The following HLCS variants were observed in gnomAD, a reference collection of about 807,000 sequenced individuals.
HLCS encodes biotin--protein ligase.
In HLCS, 53 loss-of-function variants were observed where a neutral mutation model predicts 75.0. The ratio of observed to expected loss-of-function variants is 0.71; its 90% confidence interval spans 0.57 to 0.89. The LOEUF (loss-of-function observed/expected upper bound fraction) is 0.89. Ranked by LOEUF, HLCS falls within the 40% of genes least tolerant of loss-of-function variation. HLCS has a pLI of 0.00. For missense variants in HLCS, 966 were observed against 1,074.0 expected, an observed-to-expected ratio of 0.90 and a Z score of 1.41; for synonymous variants, 431 against 428.6, an observed-to-expected ratio of 1.01 and a Z score of -0.07.
intron 6 of HLCS, chr21:36,804,381 A>G (rs2236435): frequency 0.51 from 77,288 of 152,128 alleles, 21,659 homozygotes; most frequent in African/African-American, 0.75. Flanking sequence ...AGTAACTCGA[A>G]TTACTCATAG....
At chr21:36,846,864 C>T (rs2062815850) in intron 6 of HLCS, among the ~76,000 whole-genome samples, 1 of 152,120 alleles carries the variant, frequency 6.6e-6, no homozygotes. Flanking sequence ...CAACAAACCC[C>T]GTCTTGGCTC....
intron 6 of HLCS, among the ~76,000 whole-genome samples, chr21:36,866,829 G>T (rs1212410778): frequency 6.7e-6 from 1 of 150,056 alleles, no homozygotes; most frequent in African/African-American, 2.5e-5. Flanking sequence ...ACCAAGCCAA[G>T]AATTTGAGTA....
At chr21:36,832,701 A>C (rs926191563) in intron 6 of HLCS, among the ~76,000 whole-genome samples, 2 of 148,778 alleles carry the variant, frequency 1.3e-5, no homozygotes, top group African/African-American at 2.6e-5. Flanking sequence ...CCATTCCCTA[A>C]CTCTTTGTTC....
At chr21:36,894,215 C>T (rs1034350100) in intron 6 of HLCS, among the ~76,000 whole-genome samples, 5 of 152,152 alleles carry the variant, frequency 3.3e-5, no homozygotes, top group Admixed American at 2.0e-4. Context: ...AAGTTTCCTG[C>T]GGCCTCCCCA....
intron 6 of HLCS, among the ~76,000 whole-genome samples, chr21:36,808,239 C>A (rs1428882072): frequency 6.6e-6 from 1 of 152,120 alleles, no homozygotes; most frequent in African/African-American, 2.4e-5. Flanking sequence ...ACATTGGGAG[C>A]ATTTTCCCAT....
chr21:36,970,080 A>G (rs71332559), upstream of HLCS, among the ~76,000 whole-genome samples: 1,462 of 152,262 alleles, frequency 9.6e-3, 8 homozygotes, highest in South Asian at 0.016. Flanking sequence ...GGGACAAGAG[A>G]GAGTAGAGTG....
intron 6 of HLCS, among the ~76,000 whole-genome samples, chr21:36,770,663 A>G (rs1292650895): frequency 1.3e-5 from 2 of 151,218 alleles, no homozygotes; most frequent in African/African-American, 4.9e-5. Context: ...CTGGACCTCC[A>G]GGGCTCAAGG....
chr21:36,792,922 T>C (rs998784747), intron 6 of HLCS, among the ~76,000 whole-genome samples: 11 of 152,134 alleles, frequency 7.2e-5, no homozygotes, highest in African/African-American at 2.4e-4. Flanking sequence ...GATCTCAAAA[T>C]GCTGTCTAGA....
intron 1 of HLCS, among the ~76,000 whole-genome samples, chr21:36,963,482 C>T (rs1385443495): frequency 6.6e-6 from 1 of 152,188 alleles, no homozygotes; most frequent in Non-Finnish European, 1.5e-5. Flanking sequence ...TCCACTTAGG[C>T]CGGGCGCGGT....
At chr21:36,921,168 C>T (rs912927194) in intron 5 of HLCS, among the ~76,000 whole-genome samples, 12 of 152,278 alleles carry the variant, frequency 7.9e-5, no homozygotes, top group South Asian at 4.2e-4. Context: ...CACTTTCAGC[C>T]GGGCACAGTG....
At chr21:36,888,494 A>T (rs8127553) in intron 6 of HLCS, among the ~76,000 whole-genome samples, 58,261 of 92,518 alleles carry the variant, frequency 0.63, 19,571 homozygotes, top group Admixed American at 0.73. Context: ...ATATATATAT[A>T]TATTTATTTA....
intron 6 of HLCS, among the ~76,000 whole-genome samples, chr21:36,838,471 C>G (rs1379607227): frequency 6.6e-6 from 1 of 152,018 alleles, no homozygotes; most frequent in Admixed American, 6.6e-5. Context: ...TTTGGGAGGC[C>G]GAGGCGGGCA....
At position 36,749,372 on chromosome 21, in the gene HLCS, G is replaced by GT. The variant is rs2089294757; in HGVS notation, c.*4873dup. On this transcript the variant is annotated 3_prime_UTR_variant, in exon 11 of 11. Coordinates refer to ENST00000674895, the MANE Select transcript of HLCS (RefSeq NM_001352514.2). ...TTTCCACCTTTCTGAATGGAAAGAGGTTTTCACAAATGTTTTAAACTCATC... is the reference window on the plus strand; with the variant it reads ...TTTCCACCTTTCTGAATGGAAAGAGGTTTTTCACAAATGTTTTAAACTCATC... 1 of 151,656 alleles carries GT rather than the reference G, an allele frequency of 6.6e-6. No individual in the cohort carries two copies. Among genetic ancestry groups the GT allele is most frequent in the African/African-American group, 2.4e-5 (1 of 41,200 alleles). The allele number at this position is 151,656 out of a possible 1,614,324, so 9.4% of individuals were successfully genotyped here.
chr21:36,902,523 A>G (rs1163341904), intron 5 of HLCS, among the ~76,000 whole-genome samples: 1 of 152,198 alleles, frequency 6.6e-6, no homozygotes, highest in African/African-American at 2.4e-5. Flanking sequence ...CTGGTAACTG[A>G]AATTCGCTGC....
chr21:36,867,832 T>C (rs936298999), intron 6 of HLCS, among the ~76,000 whole-genome samples: 5 of 152,132 alleles, frequency 3.3e-5, no homozygotes, highest in African/African-American at 4.8e-5. Flanking sequence ...TATCCCAACA[T>C]AGAAACATAC....
chr21:36,834,514 A>G (rs1037460974), intron 6 of HLCS, among the ~76,000 whole-genome samples: 1 of 152,196 alleles, frequency 6.6e-6, no homozygotes, highest in Non-Finnish European at 1.5e-5. Flanking sequence ...GGCTGCTTTC[A>G]GTGGTCCCAC....
At position 36,863,799 on chromosome 21, in the gene HLCS, C is replaced by T. The variant is rs73214705; in HGVS notation, c.1892+33061G>A. ...TCAAGACCCAACAATTCATCTCAAC[C>T]ACTCACCACAAGGTTAAGAAATGCT... On this transcript the variant is annotated intron_variant, in intron 6 of 10. Coordinates refer to ENST00000674895, the MANE Select transcript of HLCS (RefSeq NM_001352514.2). 1.5e-3 allele frequency among the ~76,000 whole-genome samples: 227 copies of T among 151,212 alleles called. 1 individual carries two copies. Among genetic ancestry groups the T allele is most frequent in the Middle Eastern group, 0.01 (3 of 294 alleles).
At chr21:36,858,099 T>C (rs2146176275) in intron 6 of HLCS, among the ~76,000 whole-genome samples, 1 of 152,180 alleles carries the variant, frequency 6.6e-6, no homozygotes, top group South Asian at 2.1e-4. Context: ...GGATCTTGTT[T>C]ATTTTTTATT....
chr21:36,768,199 G>A lies in HLCS; in HGVS notation c.1893-914C>T, dbSNP rs899522383. 2.0e-5 allele frequency among the ~76,000 whole-genome samples: 3 copies of A among 152,332 alleles called. No individual in the cohort carries two copies. In the East Asian group the frequency reaches 5.8e-4, roughly 29 times the overall value. ...GGCCACTTTGTCAGTGCAGATGAGG[G>A]GGCCTCTTTGATTTTTTTCTTTTCT... On this transcript the variant is annotated intron_variant, in intron 6 of 10. Transcript: ENST00000674895.
Sources: allele counts gnomAD v4.1 joint callset (sites outside exome capture counted in the v4.1 genomes callset), GRCh38; gene constraint gnomAD v4.1.1; transcripts MANE v1.5; gene names NCBI Gene and HGNC (gene_info 2026-07-23, HGNC 2026-07-21).